Variants in FAT3 observed in about 807,000 individuals in gnomAD.
The protein encoded by FAT3 is FAT atypical cadherin 3.
A neutral mutation model predicts 310.2 loss-of-function variants in FAT3; 95 were observed. The observed-to-expected ratio is 0.31, with a 90% CI of 0.26 to 0.36. The LOEUF is 0.36. FAT3 is among the 10% of genes least tolerant of loss of function. FAT3 has a pLI of 1.00. For synonymous variants in FAT3, 2,314 were observed against 2,192.9 expected (o/e 1.06, Z -1.54); for missense variants, 5,408 against 5,715.6 (o/e 0.95, Z 1.74).
intron 3 of FAT3, among the ~76,000 whole-genome samples, chr11:92,532,668 C>T (rs1456331452): frequency 6.6e-6 from 1 of 152,188 alleles, no homozygotes. Flanking sequence ...TAACGAAATT[C>T]TCCTCAGAGC....
At chr11:92,744,058 G>A (rs190587908) in intron 4 of FAT3, among the ~76,000 whole-genome samples, 5 of 152,286 alleles carry the variant, frequency 3.3e-5, no homozygotes, top group Admixed American at 1.3e-4. Flanking sequence ...AATAGAAAGC[G>A]ACTGAGAGAC....
At chr11:92,664,570 TG>T (rs1285813348) in intron 3 of FAT3, among the ~76,000 whole-genome samples, 1 of 152,214 alleles carries the variant, frequency 6.6e-6, no homozygotes, top group Non-Finnish European at 1.5e-5. Flanking sequence ...ACACAATATC[TG>T]TGGTTGGCAA....
chr11:92,716,958 G>A (rs1944708866), intron 4 of FAT3, among the ~76,000 whole-genome samples: 1 of 151,584 alleles, frequency 6.6e-6, no homozygotes, highest in African/African-American at 2.4e-5. Flanking sequence ...GCAGACCAAG[G>A]TTTGAATCAA....
At chr11:92,554,794 G>A (rs528150898) in intron 3 of FAT3, among the ~76,000 whole-genome samples, 47 of 152,218 alleles carry the variant, frequency 3.1e-4, no homozygotes, top group Admixed American at 7.9e-4. Flanking sequence ...GTCATGGTGC[G>A]TTGTTGCCAG....
At chr11:92,639,919 C>T (rs1402708678) in intron 3 of FAT3, among the ~76,000 whole-genome samples, 2 of 152,104 alleles carry the variant, frequency 1.3e-5, no homozygotes, top group African/African-American at 2.4e-5. Flanking sequence ...AGTTTGATGT[C>T]GGCGACGTCC....
intron 3 of FAT3, among the ~76,000 whole-genome samples, chr11:92,675,166 A>T (rs1943249674): frequency 6.6e-6 from 1 of 152,212 alleles, no homozygotes; most frequent in African/African-American, 2.4e-5. Context: ...GGTCCTTGAG[A>T]AACATTTATC....
intron 4 of FAT3, among the ~76,000 whole-genome samples, chr11:92,712,429 A>G (rs561837109): frequency 3.3e-5 from 5 of 152,322 alleles, no homozygotes; most frequent in Admixed American, 1.3e-4. Flanking sequence ...GCTTCTATAA[A>G]ACATCCCTTT....
chr11:92,823,030 C>T (rs1948010879), intron 13 of FAT3, among the ~76,000 whole-genome samples: 1 of 152,160 alleles, frequency 6.6e-6, no homozygotes, highest in Non-Finnish European at 1.5e-5. Context: ...CCTTGACCAC[C>T]CCTCTCCAAC....
chr11:92,863,259 A>G (rs1684626244), intron 21 of FAT3, among the ~76,000 whole-genome samples: 1 of 152,180 alleles, frequency 6.6e-6, no homozygotes, highest in Admixed American at 6.5e-5. Flanking sequence ...AAACATAAAA[A>G]GTTTTTAAAA....
chr11:92,644,159 G>A (rs1942061104), intron 3 of FAT3, among the ~76,000 whole-genome samples: 1 of 152,204 alleles, frequency 6.6e-6, no homozygotes, highest in South Asian at 2.1e-4. Flanking sequence ...GGCAGGCCAG[G>A]GGTGGGGGTG....
In FAT3 at chr11:92,848,152, G is replaced by C. The variant is rs150207265; in HGVS notation, c.11365+3420G>C. On this transcript the variant is annotated intron_variant, in intron 19 of 27. Transcript: ENST00000525166. ...TATTCTATCCTCCTCCCAACTTCCA[G>C]CTCATCTTTTTCTCATACAGAGAGT... 3.3e-4 allele frequency among the ~76,000 whole-genome samples: 51 copies of C among 152,296 alleles called. 1 individual carries two copies. In the East Asian group the frequency reaches 9.8e-3, roughly 29 times the overall value.
chr11:92,298,999 A>G (rs376155079), intron 1 of FAT3, among the ~76,000 whole-genome samples: 66 of 152,142 alleles, frequency 4.3e-4, no homozygotes, highest in African/African-American at 1.6e-3. Context: ...TTGGCAAAAC[A>G]TTTCATCTGT....
intron 23 of FAT3, among the ~76,000 whole-genome samples, chr11:92,882,463 C>G (rs1350349793): frequency 6.6e-6 from 1 of 152,042 alleles, no homozygotes; most frequent in Non-Finnish European, 1.5e-5. Context: ...CAGTCTCTTC[C>G]TTTCCCCCAA....
intron 2 of FAT3, among the ~76,000 whole-genome samples, chr11:92,381,300 G>A (rs375819088): frequency 7.9e-5 from 12 of 152,086 alleles, no homozygotes; most frequent in African/African-American, 2.4e-4. Context: ...ACTTGAGGTC[G>A]GTCAGGAGTT....
chr11:92,558,035 G>C (rs1285919979), intron 3 of FAT3, among the ~76,000 whole-genome samples: 2 of 152,134 alleles, frequency 1.3e-5, no homozygotes, highest in African/African-American at 4.8e-5. Flanking sequence ...GGCATTTGCT[G>C]CTGCCCCCTG....
At chr11:92,790,261 C>T (rs1464311184) in intron 8 of FAT3, 43 bp downstream of exon 8, 2 of 1,595,282 alleles carry the variant, frequency 1.3e-6, no homozygotes, top group Non-Finnish European at 8.6e-7. Context: ...GAACCACTGA[C>T]TGTTCAGGCC....
At chr11:92,581,904 C>T (rs963518302) in intron 3 of FAT3, among the ~76,000 whole-genome samples, 2 of 151,874 alleles carry the variant, frequency 1.3e-5, no homozygotes, top group African/African-American at 4.8e-5. Context: ...TAGGGTGAGT[C>T]CATAGAGTAA....
At chr11:92,658,570 C>A (rs1249362651) in intron 3 of FAT3, among the ~76,000 whole-genome samples, 3 of 152,086 alleles carry the variant, frequency 2.0e-5, no homozygotes, top group Non-Finnish European at 4.4e-5. Flanking sequence ...CTGAGTTCAT[C>A]CAGTTTTTCA....
intron 2 of FAT3, chr11:92,400,351 G>A (rs930055173): frequency 6.6e-6 from 1 of 152,122 alleles, no homozygotes; most frequent in Non-Finnish European, 1.5e-5. Context: ...TCCACAAAAT[G>A]TATAGGCTTT....
Sources: gnomAD v4.1 joint callset for allele counts (sites outside exome capture counted in the v4.1 genomes callset) on GRCh38, gnomAD v4.1.1 for gene constraint, MANE v1.5 for transcripts, NCBI Gene and HGNC (gene_info 2026-07-23, HGNC 2026-07-21) for gene names.